The following ZNRF2 variants were observed in gnomAD, a reference collection of about 807,000 sequenced individuals.
ZNRF2 encodes the protein zinc and ring finger 2.
ZNRF2 carries 16 observed loss-of-function variants against 20.4 expected under a neutral mutation model. The observed-to-expected ratio is 0.79, with a 90% confidence interval of 0.53 to 1.19. ZNRF2 has a LOEUF of 1.19. ZNRF2 is among the 50% of genes most tolerant of loss of function. ZNRF2 has a pLI of 0.00. For synonymous variants in ZNRF2, 178 were observed against 144.9 expected, an observed-to-expected ratio of 1.23 and a Z score of -1.64; for missense variants, 363 against 332.4, an observed-to-expected ratio of 1.09 and a Z score of -0.72.
rs770316980 is a variant in ZNRF2 at position 30,362,962 on chromosome 7, CA to C, written c.*22+515del. 2.6e-3 allele frequency among the ~76,000 whole-genome samples: 399 copies of C among 151,152 alleles called. 1 individual carries two copies. Among genetic ancestry groups the C allele is most frequent in the African/African-American group, 9.1e-3 (374 of 41,284 alleles). On this transcript the variant is annotated intron_variant, in intron 4 of 4. Coordinates refer to ENST00000323037, the MANE Select transcript of ZNRF2 (RefSeq NM_147128.4). The stretch of plus-strand genomic sequence containing the variant: ...TGAAACCCCGTCTCTACTGAAAATA[CA>C]AAAAAAAATTAGCCAGGCCTGGTGG...
chr7:30,327,852 C>A (rs1799578584), intron 2 of ZNRF2, among the ~76,000 whole-genome samples: 1 of 151,946 alleles, frequency 6.6e-6, no homozygotes, highest in Non-Finnish European at 1.5e-5. Flanking sequence ...CAGGTGCATG[C>A]CACCATGCCT....
chr7:30,295,050 AGTGTGTGTGTGTGT>A (rs71536219), intron 1 of ZNRF2, among the ~76,000 whole-genome samples: 429 of 38,186 alleles, frequency 0.011, 19 homozygotes, highest in African/African-American at 0.049. Flanking sequence ...AGAGAGAGAG[AGTGTGTGTGTGTGT>A]GTGTGTGTGT....
intron 1 of ZNRF2, among the ~76,000 whole-genome samples, chr7:30,297,893 G>A (rs1295656549): frequency 1.3e-5 from 2 of 151,448 alleles, no homozygotes; most frequent in Non-Finnish European, 1.5e-5. Context: ...ACAAGGTCTC[G>A]AGGCTCTGTC....
chr7:30,332,437 T>A (rs1799648096), intron 2 of ZNRF2, among the ~76,000 whole-genome samples: 1 of 152,214 alleles, frequency 6.6e-6, no homozygotes, highest in Non-Finnish European at 1.5e-5. Context: ...TATTGTGTAA[T>A]GCTGGGATTT....
intron 3 of ZNRF2, among the ~76,000 whole-genome samples, chr7:30,359,686 G>A (rs182983315): frequency 6.6e-6 from 1 of 152,226 alleles, no homozygotes; most frequent in African/African-American, 2.4e-5. Context: ...TTGTGCATTA[G>A]CTTTTTTCTT....
chr7:30,346,532 T>A (rs949713517), intron 2 of ZNRF2, among the ~76,000 whole-genome samples: 4 of 152,202 alleles, frequency 2.6e-5, no homozygotes, highest in Non-Finnish European at 4.4e-5. Flanking sequence ...AGATAAGAAG[T>A]CTGGCTTTGT....
chr7:30,336,324 C>T (rs1229854651), intron 2 of ZNRF2, among the ~76,000 whole-genome samples: 1 of 149,550 alleles, frequency 6.7e-6, no homozygotes, highest in African/African-American at 2.6e-5. Context: ...AGTATCTTCT[C>T]AGCCACTGAG....
At chr7:30,316,240 A>G (rs1799372089) in intron 1 of ZNRF2, among the ~76,000 whole-genome samples, 1 of 133,112 alleles carries the variant, frequency 7.5e-6, no homozygotes, top group Non-Finnish European at 1.6e-5. Context: ...GTGAGTCAAG[A>G]TTGCACCACT....
intron 1 of ZNRF2, among the ~76,000 whole-genome samples, chr7:30,296,067 G>A (rs139628658): frequency 0.034 from 5,224 of 152,178 alleles, 327 homozygotes; most frequent in African/African-American, 0.12. Context: ...AATATTGAAT[G>A]TTTCCCAAAA....
At chr7:30,360,245 A>ACTG (rs1800105470) in intron 3 of ZNRF2, among the ~76,000 whole-genome samples, 1 of 152,282 alleles carries the variant, frequency 6.6e-6, no homozygotes, top group Admixed American at 6.5e-5. Context: ...TTTTAAAGTC[A>ACTG]TTTGAAACAG....
At chr7:30,323,601 T>C (rs746758746) in intron 1 of ZNRF2, 41 bp from the exon 2 acceptor site, 8 of 1,335,834 alleles carry the variant, frequency 6.0e-6, no homozygotes, top group Non-Finnish European at 8.3e-6. Flanking sequence ...TAGCTGGATA[T>C]TCAGAATAGT....
chr7:30,360,998 G>A (rs1800118036), intron 3 of ZNRF2, among the ~76,000 whole-genome samples: 1 of 152,210 alleles, frequency 6.6e-6, no homozygotes, highest in Non-Finnish European at 1.5e-5. Context: ...TGGAACATAT[G>A]TAGATTGACA....
At chr7:30,331,383 A>G (rs1238302665) in intron 2 of ZNRF2, among the ~76,000 whole-genome samples, 2 of 152,224 alleles carry the variant, frequency 1.3e-5, no homozygotes, top group Non-Finnish European at 2.9e-5. Flanking sequence ...AAGTTTTGAA[A>G]AATATTCAGA....
At chr7:30,336,608 CATT>C (rs1336351615) in intron 2 of ZNRF2, among the ~76,000 whole-genome samples, 3 of 151,968 alleles carry the variant, frequency 2.0e-5, no homozygotes, top group Non-Finnish European at 4.4e-5. Context: ...GGTAGTTTCT[CATT>C]TAATTTTTAA....
At chr7:30,343,306 CTG>C (rs1362508494) in intron 2 of ZNRF2, among the ~76,000 whole-genome samples, 3 of 152,060 alleles carry the variant, frequency 2.0e-5, no homozygotes, top group African/African-American at 7.3e-5. Context: ...CAGAGCAAGA[CTG>C]TCTCTGAAAA....
chr7:30,299,665 A>G (rs1799076609), intron 1 of ZNRF2, among the ~76,000 whole-genome samples: 1 of 151,406 alleles, frequency 6.6e-6, no homozygotes, highest in African/African-American at 2.4e-5. Flanking sequence ...GTTTTAATTC[A>G]TTTACATACT....
chr7:30,322,035 C>G (rs1244165031), intron 1 of ZNRF2, among the ~76,000 whole-genome samples: 5 of 151,836 alleles, frequency 3.3e-5, no homozygotes, highest in Non-Finnish European at 2.9e-5. Flanking sequence ...TGCAAAAAAT[C>G]TCATAATGTT....
chr7:30,312,736 C>T (rs892827294), intron 1 of ZNRF2, among the ~76,000 whole-genome samples: 2 of 152,012 alleles, frequency 1.3e-5, no homozygotes, highest in African/African-American at 4.8e-5. Context: ...TTTGAAAGTC[C>T]TAAAGACATT....
chr7:30,332,810 T>A (rs996547183), intron 2 of ZNRF2, among the ~76,000 whole-genome samples: 2 of 152,198 alleles, frequency 1.3e-5, no homozygotes, highest in Admixed American at 6.5e-5. Context: ...ATGACTTTGC[T>A]GTTGTGAATA....
Sources: allele counts gnomAD v4.1 joint callset (sites outside exome capture counted in the v4.1 genomes callset), GRCh38; gene constraint gnomAD v4.1.1; transcripts MANE v1.5; gene names NCBI Gene and HGNC (gene_info 2026-07-23, HGNC 2026-07-21).